The following TLR1 variants were observed in gnomAD, a reference collection of about 807,000 sequenced individuals.
TLR1 encodes the protein toll-like receptor 1.
In TLR1, 19 loss-of-function variants were observed where a neutral mutation model predicts 20.2. The ratio of observed to expected loss-of-function variants is 0.94; its 90% CI spans 0.66 to 1.38. The LOEUF is 1.38. Ranked by LOEUF, TLR1 falls within the 40% of genes most tolerant of loss-of-function variation. The pLI, the probability that TLR1 is intolerant of heterozygous loss-of-function variation, is 0.00. For synonymous variants in TLR1, 320 were observed against 334.5 expected (o/e 0.96, Z 0.47); for missense variants, 921 against 910.0 (o/e 1.01, Z -0.16).
intron 2 of TLR1, among the ~76,000 whole-genome samples, chr4:38,802,156 C>T (rs1247542503): frequency 6.6e-6 from 1 of 152,142 alleles, no homozygotes; most frequent in Non-Finnish European, 1.5e-5. Context: ...AAGATCATGC[C>T]ATTGCACTCC....
chr4:38,798,134 A>C lies in TLR1; in HGVS notation c.698T>G (p.Phe233Cys). 1.2e-6 allele frequency: 2 copies of C among 1,613,944 alleles called. No individual in the cohort carries two copies. The highest frequency in any genetic ancestry group is 1.7e-6 in the Non-Finnish European group (2 of 1,179,840). ...TTGAAGTTTCGCCAGAATACTTAGG[A>C]AGTAAGAACATTTGTTATCTTCTAG... is the stretch of plus-strand genomic sequence containing the variant. The part of the protein sequence containing the change: ...CVLEDNKCSY[F>C]LSILAKLQTN... Residue 233 changes from phenylalanine to cysteine, a missense_variant, in exon 4 of 4, where the codon TTC becomes TGC. Phe to Cys is a radical substitution (Grantham distance 205). Transcript: ENST00000308979.
rs185331480 is a variant in TLR1 at position 38,798,294 on chromosome 4, C to G, written c.538G>C (p.Asp180His). The G allele has an allele frequency of 1.9e-5, 30 of 1,612,526 alleles. No homozygotes were observed. The East Asian group carries it at 6.5e-4, about 35-fold the overall frequency. The change falls in exon 4 of 4, where the codon GAC becomes CAC. Residue 180 changes from aspartate to histidine, a missense_variant. Transcript: ENST00000308979. The part of the protein sequence containing the change: ...VLGETYGEKE[D>H]PEGLQDFNTE... ...TTAAAGTCTTGAAGGCCCTCAGGGT[C>G]TTCTTTTTCCCCATAAGTCTCTCCT...
At chr4:38,788,394 T>C (rs752743415), downstream of TLR1, among the ~76,000 whole-genome samples, 12 of 152,172 alleles carry the variant, frequency 7.9e-5, no homozygotes, top group Non-Finnish European at 1.6e-4. Flanking sequence ...ACTTTATTAA[T>C]TAGTTGCTTA....
chr4:38,798,086 A>C lies in TLR1; in HGVS notation c.746T>G (p.Leu249Arg). ...KLQTNPKLSN[L>R]TLNNIETTWN... ...AGTTGTTTCAATGTTGTTTAAGGTA[A>C]GATTTGATAACTTTGGATTTGTTTG... is the stretch of plus-strand genomic sequence containing the variant. The change falls in exon 4 of 4, where the codon CTT becomes CGT. Residue 249 changes from leucine to arginine, a missense_variant. Leu to Arg is a moderately radical substitution (Grantham distance 102). Coordinates refer to ENST00000308979, the MANE Select transcript of TLR1 (RefSeq NM_003263.4). The C allele has an allele frequency of 6.2e-7, 1 of 1,613,586 alleles. No individual in the cohort carries two copies. The highest frequency in any genetic ancestry group is 8.5e-7 in the Non-Finnish European group (1 of 1,179,608).
chr4:38,798,097 CT>C lies in TLR1; in HGVS notation c.734del (p.Lys245SerfsTer7). The C allele has an allele frequency of 6.2e-7, 1 of 1,613,462 alleles. No individual in the cohort carries two copies. Among genetic ancestry groups the C allele is most frequent in the African/African-American group, 1.3e-5 (1 of 75,004 alleles). Reference protein sequence around the residue: ...SILAKLQTNPKLSNLTLNNIE... With the variant: ...SILAKLQTNPXLSNLTLNNIE... Reference sequence around the variant, plus strand: ...TGTTGTTTAAGGTAAGATTTGATAACTTTGGATTTGTTTGAAGTTTCGCCAG... The same window carrying C: ...TGTTGTTTAAGGTAAGATTTGATAACTTGGATTTGTTTGAAGTTTCGCCAG... On this transcript the variant is annotated frameshift_variant, in exon 4 of 4. Transcript: ENST00000308979. LOFTEE classifies it low-confidence loss of function (END_TRUNC).
chr4:38,795,819 A>G (rs1726009240), downstream of TLR1, among the ~76,000 whole-genome samples: 1 of 152,222 alleles, frequency 6.6e-6, no homozygotes, highest in East Asian at 1.9e-4. Context: ...CTACTGGGGA[A>G]CTCAGGGAGA....
chr4:38,796,668 C>G lies in TLR1; in HGVS notation c.2164G>C (p.Gly722Arg), dbSNP rs1258390073. The change falls in exon 4 of 4, where the codon GGA (glycine) becomes CGA (arginine). Residue 722 changes from glycine to arginine, a missense_variant. Coordinates refer to ENST00000308979, the MANE Select transcript of TLR1 (RefSeq NM_003263.4). ...AAGATCAGGATTAAGCTATTAGATC[C>G]TTCATGAAAGAGATTGTGATGGGCA... ...YFAHHNLFHE[G>R]SNSLILILLE... 6.2e-7 allele frequency: 1 copy of G among 1,614,142 alleles called. No homozygotes were observed.
In TLR1 at chr4:38,797,355, A is replaced by G. The variant is rs746796724; in HGVS notation, c.1477T>C (p.Ser493Pro). The G allele has an allele frequency of 4.3e-5, 69 of 1,613,992 alleles. No homozygotes were observed. The highest frequency in any genetic ancestry group is 5.3e-5 in the Non-Finnish European group (62 of 1,179,964). The change falls in exon 4 of 4, where the codon TCT (serine) becomes CCT (proline). Residue 493 changes from serine to proline, a missense_variant. Transcript: ENST00000308979. Reference protein sequence around the residue: ...LPGCGSFSSLSVLIIDHNSVS... With the variant: ...LPGCGSFSSLPVLIIDHNSVS... Reference sequence around the variant, plus strand: ...GAATTGTGATCAATGATCAATACAGAAAGGCTGCTAAAGCTGCCACATCCA... The same window carrying G: ...GAATTGTGATCAATGATCAATACAGGAAGGCTGCTAAAGCTGCCACATCCA...
downstream of TLR1, among the ~76,000 whole-genome samples, chr4:38,796,036 G>A (rs1183846172): frequency 6.6e-6 from 1 of 152,142 alleles, no homozygotes; most frequent in Non-Finnish European, 1.5e-5. Flanking sequence ...TCAACGAGCA[G>A]CCATCAATAA....
At chr4:38,803,111 CT>C (rs1284676316) in intron 2 of TLR1, among the ~76,000 whole-genome samples, 5 of 152,216 alleles carry the variant, frequency 3.3e-5, no homozygotes, top group African/African-American at 1.2e-4. Flanking sequence ...AGCTGCCGAA[CT>C]AAGCAGCCAG....
At chr4:38,791,469 T>C (rs1352869263), downstream of TLR1, among the ~76,000 whole-genome samples, 1 of 152,260 alleles carries the variant, frequency 6.6e-6, no homozygotes, top group African/African-American at 2.4e-5. Context: ...ACATGAATTT[T>C]ATCTATGATA....
downstream of TLR1, among the ~76,000 whole-genome samples, chr4:38,796,042 A>G (rs143370475): frequency 6.0e-3 from 908 of 152,336 alleles, 10 homozygotes; most frequent in African/African-American, 0.021. Context: ...AGCAGCCATC[A>G]ATAAGTTGAG....
At chr4:38,799,285 T>C (rs1158972650) in intron 3 of TLR1, among the ~76,000 whole-genome samples, 1 of 152,174 alleles carries the variant, frequency 6.6e-6, no homozygotes, top group African/African-American at 2.4e-5. Flanking sequence ...ATAAATCCAA[T>C]GACAAGTGCT....
At chr4:38,802,282 T>C (rs1372957000) in intron 2 of TLR1, among the ~76,000 whole-genome samples, 1 of 147,322 alleles carries the variant, frequency 6.8e-6, no homozygotes, top group African/African-American at 2.4e-5. Context: ...AGTCTCCTAA[T>C]AGATAGAAAA....
chr4:38,804,252 G>A (rs1398317160), intron 2 of TLR1, 54 bp downstream of exon 2: 1 of 152,202 alleles, frequency 6.6e-6, no homozygotes, highest in Non-Finnish European at 1.5e-5. Flanking sequence ...AGTGGCCTGA[G>A]AAACAGAAGG....
chr4:38,798,810 C>A lies in TLR1; in HGVS notation c.22G>T (p.Ala8Ser). 1 of 1,596,980 alleles carries A rather than the reference C, an allele frequency of 6.3e-7. No homozygotes were observed. The highest frequency in any genetic ancestry group is 2.2e-4 in the Middle Eastern group (1 of 4,502). Residue 8 changes from alanine (A) to serine (S), a missense_variant, in exon 4 of 4, where the codon GCC becomes TCC. Coordinates refer to ENST00000308979, the MANE Select transcript of TLR1 (RefSeq NM_003263.4). The part of the protein sequence containing the change: MTSIFHF[A>S]IIFMLILQIR... ...TGAAGTATTAACATGAAGATAATGG[C>A]AAAATGGAAGATGCTAGTCATTTTG...
At position 38,798,510 on chromosome 4, in the gene TLR1, T is replaced by A. The variant is rs200474947; in HGVS notation, c.322A>T (p.Ile108Phe). The change falls in exon 4 of 4, where the codon ATT becomes TTT. Residue 108 changes from isoleucine to phenylalanine, a missense_variant. Transcript: ENST00000308979. ...AGGTTCACAGTAGGGTGGCAAGAAATCTTCACCAACTTGTTGTGGGACAAA... is the reference window on the plus strand; with the variant it reads ...AGGTTCACAGTAGGGTGGCAAGAAAACTTCACCAACTTGTTGTGGGACAAA... ...LDLSHNKLVK[I>F]SCHPTVNLKH... is the part of the protein sequence containing the mutation. 2.4e-4 allele frequency: 395 copies of A among 1,614,030 alleles called. No homozygotes were observed. The highest frequency in any genetic ancestry group is 3.0e-4 in the Non-Finnish European group (352 of 1,180,032).
In TLR1 at chr4:38,798,253, G is replaced by A. The variant is rs757819670; in HGVS notation, c.579C>T (p.His193=). 6.5e-5 allele frequency: 105 copies of A among 1,613,064 alleles called. No homozygotes were observed. In the Admixed American group the frequency reaches 1.8e-3, roughly 27 times the overall value. ...GLQDFNTESL[H]IVFPTNKEFH... ...ATTCTTTGTTTGTGGGGAACACAAT[G>A]TGCAGACTCTCAGTGTTAAAGTCTT... Residue 193 remains histidine, a synonymous_variant, in exon 4 of 4, where the codon CAC becomes CAT. Transcript: ENST00000308979.
chr4:38,792,992 TC>T (rs1025032789), downstream of TLR1, among the ~76,000 whole-genome samples: 1 of 151,622 alleles, frequency 6.6e-6, no homozygotes, highest in Non-Finnish European at 1.5e-5. Flanking sequence ...TTGGTGGAGG[TC>T]CCCCGAGTGA....
Sources: allele counts gnomAD v4.1 joint callset (sites outside exome capture counted in the v4.1 genomes callset), GRCh38; gene constraint gnomAD v4.1.1; transcripts MANE v1.5; gene names NCBI Gene and HGNC (gene_info 2026-07-23, HGNC 2026-07-21).